Variants in MBD5 observed in about 807,000 individuals in gnomAD.
The protein encoded by MBD5 is methyl-CpG-binding domain protein 5.
In MBD5, 13 loss-of-function variants were observed where a neutral mutation model predicts 117.3. The ratio of observed to expected loss-of-function variants is 0.11; its 90% confidence interval spans 0.07 to 0.18. The LOEUF (loss-of-function observed/expected upper bound fraction) is 0.18, where lower values mean the gene tolerates loss of function less well. Ranked by LOEUF, MBD5 falls within the 10% of genes least tolerant of loss-of-function variation. The pLI, the probability that MBD5 is intolerant of heterozygous loss-of-function variation, is 1.00. For synonymous variants in MBD5, 727 were observed against 766.4 expected (o/e 0.95, Z 0.85); for missense variants, 1,879 against 2,093.8 (o/e 0.90, Z 2.00).
rs533862899 is a variant in MBD5 at position 148,039,404 on chromosome 2, T to C, written c.-925+17720T>C. On this transcript the variant is annotated intron_variant, in intron 1 of 13. Transcript: ENST00000642680. Reference sequence around the variant, plus strand: ...TATGCAAAGTTCGTAAAGTAAATGGTGAGAAGATTTCACTGAAGAATTGCT... The same window carrying C: ...TATGCAAAGTTCGTAAAGTAAATGGCGAGAAGATTTCACTGAAGAATTGCT... Among the ~76,000 whole-genome samples the C allele has an allele frequency of 2.6e-5, 4 of 152,238 alleles. No homozygotes were observed. In the East Asian group the frequency reaches 7.7e-4, roughly 29 times the overall value.
chr2:148,280,131 CAAA>C (rs3076398), intron 3 of MBD5, among the ~76,000 whole-genome samples: 1,838 of 91,890 alleles, frequency 0.02, 28 homozygotes, highest in African/African-American at 0.071. Context: ...AAACTAACTG[CAAA>C]AAAAAAAAAA....
At chr2:148,044,067 C>G (rs1357785208) in intron 1 of MBD5, among the ~76,000 whole-genome samples, 1 of 152,086 alleles carries the variant, frequency 6.6e-6, no homozygotes, top group Non-Finnish European at 1.5e-5. Flanking sequence ...TGAACTGTCT[C>G]CAAGAAGAGT....
At position 148,470,070 on chromosome 2, in the gene MBD5, T is replaced by C. The variant is rs763873615; in HGVS notation, c.2127T>C (p.Ser709=). The change falls in exon 8 of 14, where the codon AGT becomes AGC. Residue 709 remains serine, a synonymous_variant. Transcript: ENST00000642680. ...TGTCTCAGTTACTACAGTCTATGAG[T>C]TGTCAAAGCTCTCACTTGAGTAGCA... The part of the protein sequence containing the change: ...SSMSQLLQSM[S]CQSSHLSSNS... The C allele has an allele frequency of 1.5e-5, 24 of 1,613,746 alleles. No homozygotes were observed. The South Asian group carries it at 2.2e-4, about 15-fold the overall frequency.
At chr2:148,283,064 C>A (rs1184310424) in intron 3 of MBD5, among the ~76,000 whole-genome samples, 1 of 152,062 alleles carries the variant, frequency 6.6e-6, no homozygotes, top group Non-Finnish European at 1.5e-5. Flanking sequence ...CCAGTCACCT[C>A]ACCTTACTGG....
At chr2:148,064,395 G>A (rs1418538220) in intron 1 of MBD5, among the ~76,000 whole-genome samples, 3 of 150,784 alleles carry the variant, frequency 2.0e-5, no homozygotes, top group Non-Finnish European at 2.9e-5. Flanking sequence ...GACCACAGGC[G>A]TGAGCCACCG....
chr2:148,121,879 A>G (rs1043640827), intron 1 of MBD5, among the ~76,000 whole-genome samples: 2 of 152,284 alleles, frequency 1.3e-5, no homozygotes, highest in African/African-American at 4.8e-5. Flanking sequence ...AAAAGAAAGA[A>G]AGGAGACAGA....
intron 5 of MBD5, among the ~76,000 whole-genome samples, chr2:148,461,107 AT>A (rs1707061108): frequency 6.6e-6 from 1 of 152,070 alleles, no homozygotes; most frequent in Non-Finnish European, 1.5e-5. Context: ...TAATGTTTGT[AT>A]TTTTAGTAGA....
intron 3 of MBD5, among the ~76,000 whole-genome samples, chr2:148,330,041 C>CG (rs1158578554): frequency 5.2e-5 from 2 of 38,426 alleles, no homozygotes; most frequent in African/African-American, 2.0e-4. Flanking sequence ...GAACCCCCCC[C>CG]CGCCCCCCCC....
chr2:148,250,696 A>G (rs926296796), intron 3 of MBD5, among the ~76,000 whole-genome samples: 1 of 152,228 alleles, frequency 6.6e-6, no homozygotes, highest in Admixed American at 6.5e-5. Context: ...GCTAGTCATT[A>G]TACTATGGTG....
At chr2:148,475,781 GT>G (rs991605336) in intron 8 of MBD5, among the ~76,000 whole-genome samples, 1 of 152,114 alleles carries the variant, frequency 6.6e-6, no homozygotes, top group African/African-American at 2.4e-5. Context: ...ATTCTACAAT[GT>G]TTGAGTCATA....
intron 3 of MBD5, chr2:148,295,804 T>C: frequency 5.8e-6 from 1 of 173,638 alleles, no homozygotes; most frequent in Non-Finnish European, 1.2e-5. Context: ...CCCTGAAGTG[T>C]TACACAGACA....
intron 1 of MBD5, among the ~76,000 whole-genome samples, chr2:148,150,720 C>T (rs370096098): frequency 6.6e-6 from 1 of 151,990 alleles, no homozygotes; most frequent in Non-Finnish European, 1.5e-5. Context: ...ATGGGAGTTC[C>T]CTCATGATTT....
intron 4 of MBD5, among the ~76,000 whole-genome samples, chr2:148,421,530 GT>G (rs113269765): frequency 4.5e-4 from 67 of 147,508 alleles, no homozygotes; most frequent in East Asian, 7.9e-4. Flanking sequence ...AGCTGCAGAA[GT>G]TTTTTTTTTT....
intron 3 of MBD5, among the ~76,000 whole-genome samples, chr2:148,247,661 CA>C (rs869156685): frequency 1.1e-5 from 1 of 94,854 alleles, no homozygotes; most frequent in South Asian, 3.2e-4. Flanking sequence ...CAACAATTAA[CA>C]GTCTTTTCCT....
intron 3 of MBD5, among the ~76,000 whole-genome samples, chr2:148,239,017 T>TACACAC (rs200414694): frequency 1.6e-3 from 159 of 96,652 alleles, no homozygotes; most frequent in African/African-American, 5.6e-3. Flanking sequence ...ATATATATTA[T>TACACAC]ATACACACAC....
chr2:148,469,339 T>A lies in MBD5; in HGVS notation c.1396T>A (p.Ser466Thr). ...CCAAAGATCACGCTCATCTTCCACA[T>A]CATCAGATCATGGAAATTTCATGAT... is the stretch of plus-strand genomic sequence containing the variant. ...SPQRSRSSST[S>T]SDHGNFMMPP... Residue 466 changes from serine (S) to threonine (T), a missense_variant, in exon 8 of 14, where the codon TCA becomes ACA. Physicochemically the swap from Ser to Thr is moderately conservative, Grantham distance 58. Around this residue, in one of 4 missense-constraint regions of MBD5, gnomAD observed 1,666 missense variants for 1,792.2 expected, o/e 0.93. Coordinates refer to ENST00000642680, the MANE Select transcript of MBD5 (RefSeq NM_001378120.1). 2 of 1,613,678 alleles carry A rather than the reference T, an allele frequency of 1.2e-6. No individual in the cohort carries two copies. The highest frequency in any genetic ancestry group is 1.7e-6 in the Non-Finnish European group (2 of 1,179,928).
chr2:148,504,549 G>A (rs1367102236), intron 12 of MBD5, among the ~76,000 whole-genome samples: 2 of 152,166 alleles, frequency 1.3e-5, no homozygotes, highest in Non-Finnish European at 2.9e-5. Context: ...TCTGTGCCAG[G>A]AACAGTGCTA....
chr2:148,240,881 G>A (rs1362683240), intron 3 of MBD5, among the ~76,000 whole-genome samples: 2 of 151,514 alleles, frequency 1.3e-5, no homozygotes. Context: ...TATTTGTTAT[G>A]GTAAAATATA....
intron 4 of MBD5, among the ~76,000 whole-genome samples, chr2:148,412,067 A>G (rs1344623235): frequency 6.6e-6 from 1 of 152,174 alleles, no homozygotes; most frequent in Admixed American, 6.5e-5. Flanking sequence ...AATCTTCTGC[A>G]TATGGCTAGC....
Sources: gnomAD v4.1 joint callset for allele counts (sites outside exome capture counted in the v4.1 genomes callset) on GRCh38, gnomAD v4.1.1 for gene constraint, gnomAD v4.1.1 regional missense constraint, MANE v1.5 for transcripts, NCBI Gene and HGNC (gene_info 2026-07-23, HGNC 2026-07-21) for gene names.